DOCK3: variants seen among roughly 807,000 people sequenced by gnomAD.
The protein encoded by DOCK3 is dedicator of cytokinesis protein 3.
A neutral mutation model predicts 265.6 loss-of-function variants in DOCK3; 60 were observed. That is an observed-to-expected ratio of 0.23 (90% CI 0.18 to 0.28). The LOEUF (loss-of-function observed/expected upper bound fraction) is 0.28. DOCK3 is among the 10% of genes least tolerant of loss of function. The probability of loss-of-function intolerance (pLI) is 1.00; values close to 1 mark genes in which losing one functional copy is unlikely to be tolerated. For missense variants in DOCK3, 1,981 were observed against 2,594.3 expected, an observed-to-expected ratio of 0.76 and a Z score of 5.14; for synonymous variants, 881 against 938.0, an observed-to-expected ratio of 0.94 and a Z score of 1.11.
chr3:51,185,208 T>C (rs543961887), intron 12 of DOCK3, among the ~76,000 whole-genome samples: 1 of 152,266 alleles, frequency 6.6e-6, no homozygotes, highest in South Asian at 2.1e-4. Flanking sequence ...ACTTAACTAA[T>C]AGTAAATTAT....
chr3:50,869,828 G>T (rs1224501962), intron 3 of DOCK3, among the ~76,000 whole-genome samples: 1 of 152,026 alleles, frequency 6.6e-6, no homozygotes, highest in African/African-American at 2.4e-5. Flanking sequence ...TGCTTTTGCT[G>T]TATTTTTCTT....
chr3:51,032,619 A>C (rs2108965330), intron 5 of DOCK3, among the ~76,000 whole-genome samples: 1 of 152,288 alleles, frequency 6.6e-6, no homozygotes, highest in African/African-American at 2.4e-5. Context: ...AAAATGAAAA[A>C]TGTGGAAGCT....
intron 10 of DOCK3, among the ~76,000 whole-genome samples, chr3:51,156,637 T>C (rs1410797839): frequency 6.6e-6 from 1 of 152,248 alleles, no homozygotes; most frequent in Non-Finnish European, 1.5e-5. Context: ...GCACTAATTA[T>C]TGTCTTATTT....
chr3:51,031,774 C>T (rs773497178), intron 5 of DOCK3, among the ~76,000 whole-genome samples: 7 of 152,218 alleles, frequency 4.6e-5, no homozygotes, highest in African/African-American at 1.2e-4. Flanking sequence ...AACTAGGCCA[C>T]GAGGGCTCTG....
At chr3:51,223,282 A>C (rs975183045) in intron 14 of DOCK3, among the ~76,000 whole-genome samples, 1 of 152,130 alleles carries the variant, frequency 6.6e-6, no homozygotes, top group Non-Finnish European at 1.5e-5. Context: ...TATAACTAGG[A>C]AAAGTTTGAA....
chr3:51,005,237 A>G (rs1357819202), intron 5 of DOCK3, among the ~76,000 whole-genome samples: 1 of 152,114 alleles, frequency 6.6e-6, no homozygotes, highest in Admixed American at 6.6e-5. Context: ...ACACTGCGCT[A>G]AGGTGGGTTT....
intron 5 of DOCK3, among the ~76,000 whole-genome samples, chr3:50,975,243 T>G (rs1451839637): frequency 6.7e-6 from 1 of 150,282 alleles, no homozygotes; most frequent in Admixed American, 6.7e-5. Flanking sequence ...ATGCTTCCAG[T>G]TTTTGCCCAT....
chr3:50,923,311 A>G (rs1243201001), intron 4 of DOCK3, among the ~76,000 whole-genome samples: 2 of 152,156 alleles, frequency 1.3e-5, no homozygotes, highest in African/African-American at 4.8e-5. Context: ...GATCAATGGT[A>G]GTTCTACTTT....
intron 4 of DOCK3, among the ~76,000 whole-genome samples, chr3:50,894,806 G>A (rs1309649835): frequency 1.3e-5 from 2 of 151,954 alleles, no homozygotes; most frequent in Non-Finnish European, 2.9e-5. Flanking sequence ...AATTTTAAGG[G>A]AACTATGAAT....
At chr3:51,353,565 T>C (rs1003481222) in intron 40 of DOCK3, among the ~76,000 whole-genome samples, 3 of 152,008 alleles carry the variant, frequency 2.0e-5, no homozygotes, top group Non-Finnish European at 4.4e-5. Flanking sequence ...TGAGCCCAGA[T>C]TGCACCACTG....
At chr3:50,810,316 C>CG (rs891707874) in intron 2 of DOCK3, among the ~76,000 whole-genome samples, 3 of 151,954 alleles carry the variant, frequency 2.0e-5, no homozygotes, top group Non-Finnish European at 2.9e-5. Flanking sequence ...TTTGGGAGAC[C>CG]GAGGCGGGCG....
chr3:50,997,812 A>G (rs567648040), intron 5 of DOCK3, among the ~76,000 whole-genome samples: 1 of 152,308 alleles, frequency 6.6e-6, no homozygotes, highest in Middle Eastern at 3.4e-3. Flanking sequence ...TTTAAATCAA[A>G]TTAAAATCCC....
intron 5 of DOCK3, among the ~76,000 whole-genome samples, chr3:50,946,398 A>G (rs1437075363): frequency 6.6e-6 from 1 of 152,186 alleles, no homozygotes. Flanking sequence ...TTTTTCTCTC[A>G]ATGTAATTAA....
At chr3:50,989,589 C>G (rs981827958) in intron 5 of DOCK3, among the ~76,000 whole-genome samples, 1 of 152,182 alleles carries the variant, frequency 6.6e-6, no homozygotes, top group Non-Finnish European at 1.5e-5. Flanking sequence ...AAGAAGTCAG[C>G]TTCAAATAAA....
intron 5 of DOCK3, among the ~76,000 whole-genome samples, chr3:51,048,667 A>G (rs1420668518): frequency 3.9e-5 from 6 of 152,306 alleles, no homozygotes; most frequent in South Asian, 2.1e-4. Context: ...ATTGTTTGGC[A>G]TCATCATCAT....
intron 33 of DOCK3, among the ~76,000 whole-genome samples, chr3:51,331,526 T>C (rs2084516208): frequency 6.6e-6 from 1 of 152,054 alleles, no homozygotes; most frequent in Non-Finnish European, 1.5e-5. Context: ...TTTTCCAATT[T>C]GTGTTTTTGG....
intron 5 of DOCK3, among the ~76,000 whole-genome samples, chr3:50,953,730 C>A (rs534598812): frequency 6.6e-6 from 1 of 152,150 alleles, no homozygotes; most frequent in South Asian, 2.1e-4. Flanking sequence ...TAAAATTTCA[C>A]CTCCTCACAT....
rs1310721592 is a variant in DOCK3, at chr3:50,933,983, A to G, written c.221A>G (p.Gln74Arg). ...GTCTTTTGTGGCTCTGGTTCTAGGC[A>G]GTATGAAACTGTGGTTCCACTTGAA... ...LKKAIVSNRG[Q>R]YETVVPLEDS... The change falls in exon 5 of 53, where the codon CAG (glutamine) becomes CGG (arginine). Residue 74 changes from glutamine (Q) to arginine (R), a missense_variant and splice_region_variant. Gln to Arg is a conservative substitution (Grantham distance 43, BLOSUM62 1). This residue lies in a region of DOCK3 where 456 missense variants were observed against 539.0 expected (regional missense o/e 0.85). Transcript: ENST00000266037. 1.3e-6 allele frequency: 2 copies of G among 1,597,758 alleles called. No homozygotes were observed. Among genetic ancestry groups the G allele is most frequent in the East Asian group, 2.2e-5 (1 of 44,612 alleles).
intron 5 of DOCK3, among the ~76,000 whole-genome samples, chr3:50,972,340 A>G (rs2108479660): frequency 6.6e-6 from 1 of 152,292 alleles, no homozygotes; most frequent in South Asian, 2.1e-4. Flanking sequence ...AGTGGTGGGT[A>G]ATGGTGGGAG....
Sources: allele counts gnomAD v4.1 joint callset (sites outside exome capture counted in the v4.1 genomes callset), GRCh38; gene constraint gnomAD v4.1.1; regional missense constraint gnomAD v4.1.1; transcripts MANE v1.5; gene names NCBI Gene and HGNC (gene_info 2026-07-23, HGNC 2026-07-21).